The following PRKACB variants were observed in gnomAD, a reference collection of about 807,000 sequenced individuals.
The protein encoded by PRKACB is cAMP-dependent protein kinase catalytic subunit beta.
In PRKACB, 16 loss-of-function variants were observed where a neutral mutation model predicts 51.4. The observed-to-expected ratio is 0.31, with a 90% CI of 0.21 to 0.47. The LOEUF is 0.47. PRKACB is among the 20% of genes least tolerant of loss of function. The probability of loss-of-function intolerance (pLI) is 1.00; values close to 1 mark genes in which losing one functional copy is unlikely to be tolerated. For synonymous variants in PRKACB, 147 were observed against 154.4 expected (o/e 0.95, Z 0.35); for missense variants, 309 against 464.5 (o/e 0.67, Z 3.08).
intron 1 of PRKACB, chr1:84,164,520 C>A (rs1024898557): frequency 2.7e-6 from 4 of 1,479,062 alleles, no homozygotes; most frequent in Non-Finnish European, 2.8e-6. Flanking sequence ...AATTTATAAT[C>A]ATGTGGCTCT....
At chr1:84,118,190 G>T (rs950001717) in intron 1 of PRKACB, among the ~76,000 whole-genome samples, 17 of 152,072 alleles carry the variant, frequency 1.1e-4, no homozygotes, top group Admixed American at 3.9e-4. Context: ...GCCCTTCTAG[G>T]CTCCCACCCA....
At chr1:84,114,567 T>C (rs1420147713) in intron 1 of PRKACB, among the ~76,000 whole-genome samples, 1 of 152,154 alleles carries the variant, frequency 6.6e-6, no homozygotes, top group African/African-American at 2.4e-5. Flanking sequence ...GTCACCCAAG[T>C]ACAATATACT....
chr1:84,126,775 C>CA (rs1553162725), intron 1 of PRKACB, among the ~76,000 whole-genome samples: 1 of 151,560 alleles, frequency 6.6e-6, no homozygotes, highest in Admixed American at 6.6e-5. Context: ...ATGCTCAAGC[C>CA]AAAAAAAGTA....
At chr1:84,196,852 A>T in intron 6 of PRKACB, 110 bp downstream of exon 6, 3 of 1,202,648 alleles carry the variant, frequency 2.5e-6, no homozygotes, top group Non-Finnish European at 3.5e-6. Context: ...CTTTCTCCTA[A>T]TAGTTTAAGT....
intron 1 of PRKACB, among the ~76,000 whole-genome samples, chr1:84,169,890 T>C (rs1658843086): frequency 1.3e-5 from 2 of 151,636 alleles, no homozygotes. Context: ...TCTTACAATC[T>C]AACATGAAGC....
intron 1 of PRKACB, among the ~76,000 whole-genome samples, chr1:84,138,270 C>T (rs1192270477): frequency 6.6e-6 from 1 of 152,026 alleles, no homozygotes; most frequent in Admixed American, 6.6e-5. Flanking sequence ...ATCAAAGGGA[C>T]ATAGGAGGAA....
chr1:84,080,258 C>A (rs1647418612), intron 1 of PRKACB, among the ~76,000 whole-genome samples: 1 of 152,130 alleles, frequency 6.6e-6, no homozygotes, highest in Non-Finnish European at 1.5e-5. Flanking sequence ...CAAAACAATT[C>A]TCCCTTAGTA....
intron 8 of PRKACB, among the ~76,000 whole-genome samples, chr1:84,203,399 T>C (rs1171091695): frequency 6.6e-6 from 1 of 152,062 alleles, no homozygotes; most frequent in Non-Finnish European, 1.5e-5. Flanking sequence ...TTACATTTTG[T>C]AAATTTCTTC....
chr1:84,198,554 T>C (rs1243160935), intron 7 of PRKACB, among the ~76,000 whole-genome samples: 1 of 152,104 alleles, frequency 6.6e-6, no homozygotes. Context: ...AACTTTTCTC[T>C]CATTATCTTT....
intron 7 of PRKACB, among the ~76,000 whole-genome samples, chr1:84,201,705 C>A (rs1056904491): frequency 1.3e-5 from 2 of 151,864 alleles, no homozygotes; most frequent in Non-Finnish European, 2.9e-5. Context: ...TGTGGTGAGT[C>A]GTGATGGTAG....
chr1:84,213,126 G>A (rs1039411650), intron 8 of PRKACB, among the ~76,000 whole-genome samples: 5 of 152,116 alleles, frequency 3.3e-5, no homozygotes, highest in Non-Finnish European at 7.4e-5. Flanking sequence ...TGATCAATTT[G>A]TAGTTGAGGC....
In PRKACB at chr1:84,220,325, ATTT is replaced by A. The variant is rs368372696; in HGVS notation, c.1071+6013_1071+6015del. 3.2e-3 allele frequency among the ~76,000 whole-genome samples: 485 copies of A among 151,864 alleles called. 3 individuals are homozygous for A. Among genetic ancestry groups the A allele is most frequent in the African/African-American group, 0.011 (466 of 41,422 alleles). On this transcript the variant is annotated intron_variant, in intron 9 of 9. Coordinates refer to ENST00000370685, the MANE Select transcript of PRKACB (RefSeq NM_182948.4). Reference sequence around the variant, plus strand: ...CATTTTGTATTCTGCACCTTTACTTATTTTTTTATGAGTTCTAAGAATATTCTG... The same window carrying A: ...CATTTTGTATTCTGCACCTTTACTTATTTTATGAGTTCTAAGAATATTCTG...
chr1:84,215,924 T>C (rs1487306276), intron 9 of PRKACB, among the ~76,000 whole-genome samples: 1 of 152,190 alleles, frequency 6.6e-6, no homozygotes, highest in East Asian at 1.9e-4. Context: ...TAGAGACATG[T>C]CATCTTTAAT....
intron 2 of PRKACB, among the ~76,000 whole-genome samples, chr1:84,179,990 C>A (rs1662686462): frequency 6.9e-6 from 1 of 145,060 alleles, no homozygotes; most frequent in South Asian, 2.2e-4. Context: ...GTTCCCCTCC[C>A]TGTGTCCATG....
intron 8 of PRKACB, among the ~76,000 whole-genome samples, chr1:84,212,578 C>A (rs558673786): frequency 1.2e-4 from 18 of 152,092 alleles, no homozygotes; most frequent in Non-Finnish European, 2.4e-4. Flanking sequence ...GACTAGATTA[C>A]TGGTCCCAAC....
chr1:84,195,877 C>CA (rs1267349814), intron 5 of PRKACB, among the ~76,000 whole-genome samples: 1 of 149,546 alleles, frequency 6.7e-6, no homozygotes, highest in East Asian at 2.0e-4. Context: ...TGTGCCACTG[C>CA]ACTCCAGCCT....
chr1:84,182,605 A>T (rs1447369224), intron 3 of PRKACB, among the ~76,000 whole-genome samples: 1 of 152,080 alleles, frequency 6.6e-6, no homozygotes, highest in Non-Finnish European at 1.5e-5. Context: ...TAACATGTAC[A>T]GACTTTTGTT....
intron 1 of PRKACB, among the ~76,000 whole-genome samples, chr1:84,167,897 A>G (rs1658051157): frequency 6.6e-6 from 1 of 151,568 alleles, no homozygotes; most frequent in Admixed American, 6.6e-5. Flanking sequence ...CAGTACCTTT[A>G]TCTTTCTAGT....
intron 1 of PRKACB, chr1:84,078,397 T>G (rs374074850): frequency 1.3e-4 from 211 of 1,604,956 alleles, no homozygotes; most frequent in Middle Eastern, 5.1e-4. Flanking sequence ...GGTCTGGGTA[T>G]CCGCTGGGCG....
Sources: allele counts gnomAD v4.1 joint callset (sites outside exome capture counted in the v4.1 genomes callset), GRCh38; gene constraint gnomAD v4.1.1; transcripts MANE v1.5; gene names NCBI Gene and HGNC (gene_info 2026-07-23, HGNC 2026-07-21).